The following MACROD2 variants were observed in gnomAD, a reference collection of about 807,000 sequenced individuals.
MACROD2 encodes the protein ADP-ribose glycohydrolase MACROD2.
In MACROD2, 36 loss-of-function variants were observed where a neutral mutation model predicts 70.4. The observed-to-expected ratio is 0.51, with a 90% CI of 0.39 to 0.68. MACROD2 has a LOEUF of 0.68. Ranked by LOEUF, MACROD2 falls within the 30% of genes least tolerant of loss-of-function variation. MACROD2 has a pLI of 0.00. For missense variants in MACROD2, 496 were observed against 538.4 expected, an observed-to-expected ratio of 0.92 and a Z score of 0.78; for synonymous variants, 172 against 178.8, an observed-to-expected ratio of 0.96 and a Z score of 0.30.
chr20:14,609,250 A>G (rs189949978), intron 4 of MACROD2, among the ~76,000 whole-genome samples: 1,522 of 152,200 alleles, frequency 0.01, 10 homozygotes, highest in Non-Finnish European at 0.016. Context: ...AACATTAGAA[A>G]CAGAGAGAAG....
chr20:14,971,755 A>G lies in MACROD2; in HGVS notation c.419-258185A>G, dbSNP rs1423209033. On this transcript the variant is annotated intron_variant, in intron 5 of 17. Coordinates refer to ENST00000684519, the MANE Select transcript of MACROD2 (RefSeq NM_001351661.2). ...ATCAGGTGTGACATTTACATAGCGC[A>G]TGGGGAAGCTGGCCACCCCACCCTA... is the stretch of plus-strand genomic sequence containing the variant. Among the ~76,000 whole-genome samples the G allele has an allele frequency of 2.6e-5, 4 of 152,098 alleles. No homozygotes were observed. In the East Asian group the frequency reaches 7.7e-4, roughly 29 times the overall value.
At position 14,030,951 on chromosome 20, in the gene MACROD2, C is replaced by T. The variant is rs149285873; in HGVS notation, c.163+28547C>T. On this transcript the variant is annotated intron_variant, in intron 2 of 17. Coordinates refer to ENST00000684519, the MANE Select transcript of MACROD2 (RefSeq NM_001351661.2). The stretch of plus-strand genomic sequence containing the variant: ...GGATGAGAGATAGGCATAGATATAT[C>T]GTTTTCTTATCTTCTTCCACATACT... 2.0e-5 allele frequency among the ~76,000 whole-genome samples: 3 copies of T among 152,280 alleles called. No homozygotes were observed. The East Asian group carries it at 5.8e-4, about 29-fold the overall frequency.
intron 3 of MACROD2, among the ~76,000 whole-genome samples, chr20:14,405,525 C>G (rs1358186676): frequency 1.3e-5 from 2 of 152,160 alleles, no homozygotes; most frequent in East Asian, 1.9e-4. Context: ...CTGTGCTCAG[C>G]CATGTTCAGG....
intron 4 of MACROD2, among the ~76,000 whole-genome samples, chr20:14,559,498 T>C (rs1356474695): frequency 6.6e-6 from 1 of 151,732 alleles, no homozygotes; most frequent in Non-Finnish European, 1.5e-5. Flanking sequence ...ATTTTGGTTA[T>C]ATACTCGAAT....
At chr20:14,316,052 G>T (rs1253934368) in intron 3 of MACROD2, among the ~76,000 whole-genome samples, 1 of 152,180 alleles carries the variant, frequency 6.6e-6, no homozygotes, top group East Asian at 1.9e-4. Flanking sequence ...CTCAACTTCA[G>T]CGCAAAGCTA....
intron 2 of MACROD2, among the ~76,000 whole-genome samples, chr20:14,071,744 A>G (rs2053846273): frequency 6.6e-6 from 1 of 152,054 alleles, no homozygotes. Flanking sequence ...CCTAAAATAG[A>G]GGTGAAATAG....
chr20:15,302,247 T>C (rs181426414), intron 6 of MACROD2, among the ~76,000 whole-genome samples: 1 of 152,286 alleles, frequency 6.6e-6, no homozygotes, highest in Admixed American at 6.5e-5. Flanking sequence ...TTGACATCGT[T>C]GACTATATTT....
At chr20:14,473,812 T>C (rs934294379) in intron 3 of MACROD2, among the ~76,000 whole-genome samples, 10 of 152,116 alleles carry the variant, frequency 6.6e-5, no homozygotes, top group African/African-American at 2.2e-4. Flanking sequence ...CCAGCATTTG[T>C]TATCTTTTGT....
At chr20:14,218,701 T>C (rs1276261368) in intron 3 of MACROD2, among the ~76,000 whole-genome samples, 3 of 152,208 alleles carry the variant, frequency 2.0e-5, no homozygotes, top group Non-Finnish European at 4.4e-5. Flanking sequence ...TTAGAGCAAC[T>C]TTTAGCAGTT....
intron 8 of MACROD2, among the ~76,000 whole-genome samples, chr20:15,807,559 A>C (rs1180148416): frequency 6.6e-6 from 1 of 152,182 alleles, no homozygotes; most frequent in Non-Finnish European, 1.5e-5. Flanking sequence ...GTGCAGACTG[A>C]GGGGTGTTGT....
chr20:14,631,991 T>A (rs1217331373), intron 4 of MACROD2: 1 of 152,166 alleles, frequency 6.6e-6, no homozygotes, highest in African/African-American at 2.4e-5. Context: ...AAGTGTGGTA[T>A]TCATTTTGTA....
At chr20:14,692,226 C>G (rs974000714) in intron 5 of MACROD2, among the ~76,000 whole-genome samples, 1 of 152,162 alleles carries the variant, frequency 6.6e-6, no homozygotes, top group Non-Finnish European at 1.5e-5. Context: ...AACTCTATTG[C>G]GTGCTCAAGT....
intron 8 of MACROD2, among the ~76,000 whole-genome samples, chr20:15,785,076 C>T (rs1191809830): frequency 2.0e-5 from 3 of 149,288 alleles, no homozygotes; most frequent in Non-Finnish European, 3.0e-5. Context: ...GGCGTGAACC[C>T]GGGAGGCGGA....
At chr20:15,391,013 G>A (rs908658865) in intron 6 of MACROD2, among the ~76,000 whole-genome samples, 27 of 151,926 alleles carry the variant, frequency 1.8e-4, no homozygotes, top group Admixed American at 1.3e-4. Context: ...GGGTTCAACA[G>A]CACCTCACTT....
Position 14,903,931 on chromosome 20 carries a change from C to T in MACROD2, c.418+218972C>T, listed in dbSNP as rs113355149. Among the ~76,000 whole-genome samples, 424 of 152,212 alleles carry T rather than the reference C, an allele frequency of 2.8e-3. 3 individuals are homozygous for T. Among genetic ancestry groups the T allele is most frequent in the African/African-American group, 9.2e-3 (380 of 41,522 alleles). On this transcript the variant is annotated intron_variant, in intron 5 of 17. Coordinates refer to ENST00000684519, the MANE Select transcript of MACROD2 (RefSeq NM_001351661.2). Reference sequence around the variant, plus strand: ...TTTTTTATTTTTCTTCACATTCTCTCGCTGAGAATGTAACCACAGGGCTAC... The same window carrying T: ...TTTTTTATTTTTCTTCACATTCTCTTGCTGAGAATGTAACCACAGGGCTAC...
chr20:14,917,399 A>G (rs894072033), intron 5 of MACROD2, among the ~76,000 whole-genome samples: 1 of 152,064 alleles, frequency 6.6e-6, no homozygotes, highest in African/African-American at 2.4e-5. Flanking sequence ...CCATAGGAAG[A>G]AGTTCTATGG....
At chr20:15,147,773 C>T (rs759087392) in intron 5 of MACROD2, among the ~76,000 whole-genome samples, 4 of 151,862 alleles carry the variant, frequency 2.6e-5, no homozygotes, top group Non-Finnish European at 5.9e-5. Context: ...TGGGTGCAGG[C>T]GGGCTGAGTC....
intron 3 of MACROD2, among the ~76,000 whole-genome samples, chr20:14,130,622 T>C (rs144110166): frequency 3.3e-5 from 5 of 152,264 alleles, no homozygotes; most frequent in Non-Finnish European, 7.4e-5. Context: ...TTCCCACTAT[T>C]TTAATGGCCT....
Position 14,435,691 on chromosome 20 carries a change from T to G in MACROD2, c.272-57788T>G, listed in dbSNP as rs996369750. Among the ~76,000 whole-genome samples the G allele has an allele frequency of 2.0e-5, 3 of 149,224 alleles. No individual in the cohort carries two copies. In the East Asian group the frequency reaches 5.8e-4, roughly 29 times the overall value. On this transcript the variant is annotated intron_variant, in intron 3 of 17. Coordinates refer to ENST00000684519, the MANE Select transcript of MACROD2 (RefSeq NM_001351661.2). Reference sequence around the variant, plus strand: ...ATATTACTTAAAGTACATTAGTACATTTCCTAAAGTTATAGAAGTCATTTT... The same window carrying G: ...ATATTACTTAAAGTACATTAGTACAGTTCCTAAAGTTATAGAAGTCATTTT...
Sources: allele counts gnomAD v4.1 joint callset (sites outside exome capture counted in the v4.1 genomes callset), GRCh38; gene constraint gnomAD v4.1.1; transcripts MANE v1.5; gene names NCBI Gene and HGNC (gene_info 2026-07-23, HGNC 2026-07-21).